Variants in KCNQ1 observed in about 807,000 individuals in gnomAD.
KCNQ1 encodes potassium voltage-gated channel subfamily Q member 1, also known as potassium voltage-gated channel subfamily KQT member 1.
A neutral mutation model predicts 72.4 loss-of-function variants in KCNQ1; 49 were observed. That is an observed-to-expected ratio of 0.68 (90% CI 0.54 to 0.86). KCNQ1 has a LOEUF of 0.86. Ranked by LOEUF, KCNQ1 falls within the 40% of genes least tolerant of loss-of-function variation. The probability of loss-of-function intolerance (pLI) is 0.00; values close to 1 mark genes in which losing one functional copy is unlikely to be tolerated. For missense variants in KCNQ1, 790 were observed against 945.1 expected (o/e 0.84, Z 2.15); for synonymous variants, 450 against 412.6 (o/e 1.09, Z -1.10).
intron 15 of KCNQ1, among the ~76,000 whole-genome samples, chr11:2,842,081 G>T (rs547019587): frequency 1.6e-4 from 24 of 152,316 alleles, no homozygotes; most frequent in African/African-American, 5.8e-4. Flanking sequence ...TGGCTGCTCG[G>T]CAGACAACAG....
At chr11:2,496,588 A>G (rs1187904806) in intron 1 of KCNQ1, among the ~76,000 whole-genome samples, 2 of 123,566 alleles carry the variant, frequency 1.6e-5, no homozygotes, top group Non-Finnish European at 3.2e-5. Flanking sequence ...TTTGCACATG[A>G]GATGGATCTC....
chr11:2,630,653 C>T (rs1849337744), intron 10 of KCNQ1: 1 of 397,860 alleles, frequency 2.5e-6, no homozygotes, highest in African/African-American at 2.1e-5. Flanking sequence ...CTTAAGTTGC[C>T]CGTATATTTA....
At chr11:2,648,424 C>A in intron 10 of KCNQ1, 1 of 398,474 alleles carries the variant, frequency 2.5e-6, no homozygotes, top group African/African-American at 2.1e-5. Flanking sequence ...AAATGTCCCT[C>A]ATAGCACTTC....
intron 13 of KCNQ1, among the ~76,000 whole-genome samples, chr11:2,776,773 C>A (rs1244890136): frequency 6.6e-6 from 1 of 152,224 alleles, no homozygotes; most frequent in Non-Finnish European, 1.5e-5. Flanking sequence ...CACCGACTCC[C>A]CCTTTCCGAG....
intron 6 of KCNQ1, among the ~76,000 whole-genome samples, chr11:2,578,417 C>A (rs1471973373): frequency 2.0e-5 from 3 of 152,250 alleles, no homozygotes; most frequent in Admixed American, 2.0e-4. Context: ...TCCCCTGGAA[C>A]CACTGAGACA....
Position 2,508,916 on chromosome 11 carries a change from C to T in KCNQ1, c.387-19012C>T, listed in dbSNP as rs1847148748. Among the ~76,000 whole-genome samples, 1 of 152,230 alleles carries T rather than the reference C, an allele frequency of 6.6e-6. No homozygotes were observed. The highest frequency in any genetic ancestry group is 2.4e-5 in the African/African-American group (1 of 41,456). ...CTTGTGGGCACTGGAGGGCACCCTACAGTCACAGAGGCAAACGAAGAATGT... is the reference window on the plus strand; with the variant it reads ...CTTGTGGGCACTGGAGGGCACCCTATAGTCACAGAGGCAAACGAAGAATGT... On this transcript the variant is annotated intron_variant, in intron 1 of 15. Coordinates refer to ENST00000155840, the MANE Select transcript of KCNQ1 (RefSeq NM_000218.3). This position sits in a 1 kb window ranked among gnomAD's most constrained non-coding sequence, Gnocchi z 6.2.
At chr11:2,506,437 T>C (rs542433319) in intron 1 of KCNQ1, among the ~76,000 whole-genome samples, 53 of 152,374 alleles carry the variant, frequency 3.5e-4, no homozygotes, top group South Asian at 1.0e-3. Flanking sequence ...GTGCCATGCT[T>C]ATTCAAACCC....
Position 2,682,217 on chromosome 11 carries a change from T to C in KCNQ1, c.1514+20136T>C. On this transcript the variant is annotated intron_variant, in intron 11 of 15. Coordinates refer to ENST00000155840, the MANE Select transcript of KCNQ1 (RefSeq NM_000218.3). The surrounding 1 kb of genome is among the most constrained non-coding windows in gnomAD (Gnocchi z 5.8). ...TCCCCAGGCCAGGACTGTCTTATCC[T>C]GTGGTTCTTAGCTGAAATGTCCCTT... 2.5e-6 allele frequency: 1 copy of C among 398,554 alleles called. No individual in the cohort carries two copies. The highest frequency in any genetic ancestry group is 4.4e-6 in the Non-Finnish European group (1 of 226,060). The allele number at this position is 398,554 out of a possible 1,614,324, so 24.7% of individuals were successfully genotyped here. A position where few individuals can be genotyped will look rare whatever the true frequency, so the allele number is the denominator to read the frequency against.
Position 2,724,190 on chromosome 11 carries a change from C to A in KCNQ1, c.1515-44654C>A, listed in dbSNP as rs129072. ...GGAAGGAAAGACAGAAAGAAAAACA[C>A]GCACAGATCCAGGCTCAGATGATAT... On this transcript the variant is annotated intron_variant, in intron 11 of 15. Transcript: ENST00000155840. The surrounding 1 kb of genome is among the most constrained non-coding windows in gnomAD (Gnocchi z 6.8). 7.9e-5 allele frequency among the ~76,000 whole-genome samples: 12 copies of A among 152,208 alleles called. No homozygotes were observed. In the East Asian group the frequency reaches 2.3e-3, roughly 29 times the overall value.
Position 2,601,663 on chromosome 11 carries a change from C to G in KCNQ1, c.1393+12809C>G, listed in dbSNP as rs1275047766. On this transcript the variant is annotated intron_variant, in intron 10 of 15. Coordinates refer to ENST00000155840, the MANE Select transcript of KCNQ1 (RefSeq NM_000218.3). The surrounding 1 kb of genome is among the most constrained non-coding windows in gnomAD (Gnocchi z 5.2). ...CAAAAATGCCACGTAAATGGAATCA[C>G]ACAATACACGATATCTTAGAAACGG... Among the ~76,000 whole-genome samples, 1 of 152,218 alleles carries G rather than the reference C, an allele frequency of 6.6e-6. No individual in the cohort carries two copies. The highest frequency in any genetic ancestry group is 1.5e-5 in the Non-Finnish European group (1 of 68,050).
At chr11:2,660,690 A>G (rs1163321256) in intron 10 of KCNQ1, 1 of 398,498 alleles carries the variant, frequency 2.5e-6, no homozygotes, top group Non-Finnish European at 4.4e-6. Flanking sequence ...GTCCCTGCAA[A>G]AGGTGCTGAC....
At chr11:2,832,351 C>T (rs544098634) in intron 15 of KCNQ1, among the ~76,000 whole-genome samples, 13 of 152,324 alleles carry the variant, frequency 8.5e-5, no homozygotes, top group Admixed American at 6.5e-4. Context: ...GTGGGGGCTT[C>T]CGGGCTGGGA....
Position 2,617,876 on chromosome 11 carries a change from G to A in KCNQ1, c.1393+29022G>A, listed in dbSNP as rs1229326947. 2 of 398,180 alleles carry A rather than the reference G, an allele frequency of 5.0e-6. No individual in the cohort carries two copies. The highest frequency in any genetic ancestry group is 8.8e-6 in the Non-Finnish European group (2 of 225,992). The allele number at this position is 398,180 out of a possible 1,614,324, so 24.7% of individuals were successfully genotyped here. A position where few individuals can be genotyped will look rare whatever the true frequency, so the allele number is the denominator to read the frequency against. ...CAGTTCCACTGCCCATTTTTTAATT[G>A]GGTTATCTATTTTCTTGTTATTGAG... On this transcript the variant is annotated intron_variant, in intron 10 of 15. Coordinates refer to ENST00000155840, the MANE Select transcript of KCNQ1 (RefSeq NM_000218.3). This position sits in a 1 kb window ranked among gnomAD's most constrained non-coding sequence, Gnocchi z 4.6.
chr11:2,800,103 C>T (rs563053023), intron 15 of KCNQ1, among the ~76,000 whole-genome samples: 10 of 152,310 alleles, frequency 6.6e-5, no homozygotes, highest in South Asian at 2.1e-4. Context: ...CAGATGCAGA[C>T]GTCCACAGTT....
intron 6 of KCNQ1, among the ~76,000 whole-genome samples, chr11:2,574,163 C>T (rs923158633): frequency 6.6e-5 from 10 of 152,192 alleles, no homozygotes; most frequent in Admixed American, 1.3e-4. Flanking sequence ...CATCTCCCCC[C>T]ACAGCTGCAG....
chr11:2,678,435 ATCTC>A lies in KCNQ1; in HGVS notation c.1514+16358_1514+16361del, dbSNP rs1380521686. The A allele has an allele frequency of 2.5e-6, 1 of 398,466 alleles. No individual in the cohort carries two copies. Among genetic ancestry groups the A allele is most frequent in the Non-Finnish European group, 4.4e-6 (1 of 226,074 alleles). The allele number at this position is 398,466 out of a possible 1,614,324, so 24.7% of individuals were successfully genotyped here. ...ACACTATTTATTTGAGTACATCATC[ATCTC>A]TCTACTAATTTCAACTGCTACCTTT... On this transcript the variant is annotated intron_variant, in intron 11 of 15. Transcript: ENST00000155840. The surrounding 1 kb of genome is among the most constrained non-coding windows in gnomAD (Gnocchi z 4.9).
Position 2,679,054 on chromosome 11 carries a change from C to T in KCNQ1, c.1514+16973C>T. 2 of 398,608 alleles carry T rather than the reference C, an allele frequency of 5.0e-6. No homozygotes were observed. Among genetic ancestry groups the T allele is most frequent in the Non-Finnish European group, 8.8e-6 (2 of 226,064 alleles). The allele number at this position is 398,608 out of a possible 1,614,324, so 24.7% of individuals were successfully genotyped here. On this transcript the variant is annotated intron_variant, in intron 11 of 15. Coordinates refer to ENST00000155840, the MANE Select transcript of KCNQ1 (RefSeq NM_000218.3). The surrounding 1 kb of genome is among the most constrained non-coding windows in gnomAD (Gnocchi z 4.8). ...AGCCCAGCCCCTCCTCCATACCAACCACCAAAAAAACCCACTAACACCATA... is the reference window on the plus strand; with the variant it reads ...AGCCCAGCCCCTCCTCCATACCAACTACCAAAAAAACCCACTAACACCATA...
chr11:2,571,389 C>T lies in KCNQ1; in HGVS notation c.669C>T (p.Ala223=), dbSNP rs371978875. 3 of 1,612,004 alleles carry T rather than the reference C, an allele frequency of 1.9e-6. No homozygotes were observed. In the East Asian group the frequency reaches 6.7e-5, roughly 36 times the overall value. ...TGGGCTCCAAGGGGCAGGTGTTTGC[C>T]ACGTCGGCCATCAGGTGCGTCTGTG... The part of the protein sequence containing the change: ...LCVGSKGQVF[A]TSAIRGIRFL... The change falls in exon 4 of 16, where the codon GCC becomes GCT. Residue 223 remains alanine, a synonymous_variant. Transcript: ENST00000155840.
In KCNQ1 at chr11:2,691,443, C is replaced by T. The variant is rs1850586225; in HGVS notation, c.1514+29362C>T. On this transcript the variant is annotated intron_variant, in intron 11 of 15. Transcript: ENST00000155840. The surrounding 1 kb of genome is among the most constrained non-coding windows in gnomAD (Gnocchi z 6.4). The stretch of plus-strand genomic sequence containing the variant: ...AGTCCACTGAAGCTCCCTGCCCCCA[C>T]TGAGTCTCTGATGTTGACAGCCTCT... The T allele has an allele frequency of 2.5e-6, 1 of 398,526 alleles. No homozygotes were observed. Among genetic ancestry groups the T allele is most frequent in the African/African-American group, 2.1e-5 (1 of 48,624 alleles). The allele number at this position is 398,526 out of a possible 1,614,324, so 24.7% of individuals were successfully genotyped here.
Sources: allele counts gnomAD v4.1 joint callset (sites outside exome capture counted in the v4.1 genomes callset), GRCh38; gene constraint gnomAD v4.1.1; non-coding constraint Gnocchi (gnomAD v3.1); transcripts MANE v1.5; gene names NCBI Gene and HGNC (gene_info 2026-07-23, HGNC 2026-07-21).